CDH8: variants seen among roughly 807,000 people sequenced by gnomAD.
The protein encoded by CDH8 is cadherin-8.
A neutral mutation model predicts 68.1 loss-of-function variants in CDH8; 17 were observed. The ratio of observed to expected loss-of-function variants is 0.25; its 90% confidence interval spans 0.17 to 0.37. The LOEUF is 0.37. Among genes scored for constraint, CDH8 ranks in the 10% least tolerant of loss-of-function variants. The probability of loss-of-function intolerance (pLI) is 1.00; values close to 1 mark genes in which losing one functional copy is unlikely to be tolerated. For synonymous variants in CDH8, 372 were observed against 365.1 expected (o/e 1.02, Z -0.21); for missense variants, 763 against 999.3 (o/e 0.76, Z 3.19).
chr16:61,929,202 C>T (rs1244574323), intron 2 of CDH8, among the ~76,000 whole-genome samples: 2 of 152,124 alleles, frequency 1.3e-5, no homozygotes, highest in African/African-American at 2.4e-5. Flanking sequence ...AGCCACAGCG[C>T]CTGGCCTGTT....
Position 61,727,225 on chromosome 16 carries a change from G to A in CDH8, c.1415-10C>T. ...ATCTGACTGTGGTTCCCTATGGGAA[G>A]GAAAAAATAACATCAGCATTGAGGG... On this transcript the variant is annotated splice_polypyrimidine_tract_variant and intron_variant, in intron 8 of 11. Coordinates refer to ENST00000577390, the MANE Select transcript of CDH8 (RefSeq NM_001796.5). 14 of 1,591,494 alleles carry A rather than the reference G, an allele frequency of 8.8e-6. No homozygotes were observed. Among genetic ancestry groups the A allele is most frequent in the Non-Finnish European group, 1.0e-5 (12 of 1,167,338 alleles).
chr16:61,814,704 C>G (rs913026868), intron 7 of CDH8, among the ~76,000 whole-genome samples: 3 of 152,136 alleles, frequency 2.0e-5, no homozygotes, highest in Admixed American at 2.0e-4. Flanking sequence ...CCCAATAATT[C>G]CCTGAATATC....
chr16:61,694,327 C>G (rs1964286574), intron 10 of CDH8, among the ~76,000 whole-genome samples: 1 of 152,140 alleles, frequency 6.6e-6, no homozygotes, highest in African/African-American at 2.4e-5. Context: ...CTATTATGAG[C>G]AATATTACCA....
chr16:61,940,307 G>T (rs370522507), intron 2 of CDH8: 1 of 151,872 alleles, frequency 6.6e-6, no homozygotes, highest in East Asian at 1.9e-4. Context: ...TAACACGACT[G>T]GCTAGAATTG....
At chr16:61,953,979 A>G (rs971815848) in intron 2 of CDH8, among the ~76,000 whole-genome samples, 5 of 149,550 alleles carry the variant, frequency 3.3e-5, no homozygotes, top group Admixed American at 2.7e-4. Context: ...TCCTTCAAAT[A>G]TCAAAGGACT....
intron 2 of CDH8, among the ~76,000 whole-genome samples, chr16:61,970,647 C>A (rs1186542671): frequency 2.0e-5 from 3 of 152,250 alleles, no homozygotes; most frequent in African/African-American, 7.2e-5. Context: ...TTCCCCACCC[C>A]AAACAAGCAA....
Position 61,647,253 on chromosome 16 carries a change from A to C in CDH8, c.*6355T>G, listed in dbSNP as rs1963224791. The C allele has an allele frequency of 6.6e-6, 1 of 151,884 alleles. No homozygotes were observed. The highest frequency in any genetic ancestry group is 1.5e-5 in the Non-Finnish European group (1 of 67,942). 9.4% of individuals were successfully genotyped at this position (151,884 alleles called of 1,614,324 possible). ...TTTATAGAAAAGAATTTTTATGTTTAAAGCTCTTTCTTAAAGTTTATTTGC... is the reference window on the plus strand; with the variant it reads ...TTTATAGAAAAGAATTTTTATGTTTCAAGCTCTTTCTTAAAGTTTATTTGC... On this transcript the variant is annotated 3_prime_UTR_variant, in exon 12 of 12. Coordinates refer to ENST00000577390, the MANE Select transcript of CDH8 (RefSeq NM_001796.5).
intron 2 of CDH8, among the ~76,000 whole-genome samples, chr16:62,015,109 A>G (rs956984426): frequency 1.7e-4 from 26 of 152,284 alleles, no homozygotes; most frequent in African/African-American, 6.3e-4. Context: ...GAGCACTGAC[A>G]TGACACTAGA....
At chr16:61,987,995 T>C (rs1386214921) in intron 2 of CDH8, among the ~76,000 whole-genome samples, 1 of 152,190 alleles carries the variant, frequency 6.6e-6, no homozygotes, top group Middle Eastern at 3.2e-3. Context: ...TCTCTGACTT[T>C]ATAGCATTAG....
intron 4 of CDH8, among the ~76,000 whole-genome samples, chr16:61,847,833 A>G (rs1369854811): frequency 3.3e-5 from 5 of 151,636 alleles, no homozygotes; most frequent in African/African-American, 1.2e-4. Context: ...ATTACTGTCT[A>G]TATCTATCAA....
rs573489242 is a variant in CDH8 at position 61,891,249 on chromosome 16, A to G, written c.547+9930T>C. Among the ~76,000 whole-genome samples the G allele has an allele frequency of 5.3e-5, 8 of 152,262 alleles. No individual in the cohort carries two copies. The East Asian group carries it at 1.5e-3, about 29-fold the overall frequency. ...ATAAGTTAATTCCTTAATAAAATGT[A>G]ATATTATAATTTAGGGAGTACAAAT... On this transcript the variant is annotated intron_variant, in intron 3 of 11. Transcript: ENST00000577390.
intron 2 of CDH8, among the ~76,000 whole-genome samples, chr16:61,911,111 G>A (rs1964154000): frequency 6.6e-6 from 1 of 151,958 alleles, no homozygotes; most frequent in African/African-American, 2.4e-5. Flanking sequence ...AGTAATAGTG[G>A]GTCAATTACT....
intron 4 of CDH8, among the ~76,000 whole-genome samples, chr16:61,827,522 T>TAAAAC (rs1378815461): frequency 6.6e-6 from 1 of 151,906 alleles, no homozygotes; most frequent in Non-Finnish European, 1.5e-5. Flanking sequence ...AGTGAAAATG[T>TAAAAC]AAAACAAAAC....
intron 7 of CDH8, among the ~76,000 whole-genome samples, chr16:61,794,284 T>A (rs1961448577): frequency 6.6e-6 from 1 of 151,844 alleles, no homozygotes. Flanking sequence ...CATAATCTCC[T>A]CACAAAAAAC....
At chr16:61,709,400 G>T (rs1252107812) in intron 10 of CDH8, among the ~76,000 whole-genome samples, 1 of 152,114 alleles carries the variant, frequency 6.6e-6, no homozygotes, top group Non-Finnish European at 1.5e-5. Flanking sequence ...TGAAGATTCA[G>T]CTGGAGAAAA....
In CDH8 at chr16:61,653,086, T is replaced by C. The variant is rs1963360736; in HGVS notation, c.*522A>G. The C allele has an allele frequency of 7.9e-7, 1 of 1,268,652 alleles. No homozygotes were observed. The allele number at this position is 1,268,652 out of a possible 1,614,324, so 78.6% of individuals were successfully genotyped here. A position where few individuals can be genotyped will look rare whatever the true frequency, so the allele number is the denominator to read the frequency against. ...TGTGTGGTCACCGTACTGTATAATC[T>C]AGGAGGCCTCTCAAAACTCCAAAAA... On this transcript the variant is annotated 3_prime_UTR_variant, in exon 12 of 12. Transcript: ENST00000577390.
At chr16:61,946,717 A>G (rs1032353024) in intron 2 of CDH8, among the ~76,000 whole-genome samples, 3 of 152,150 alleles carry the variant, frequency 2.0e-5, no homozygotes, top group Admixed American at 6.5e-5. Context: ...TTGATCCTGA[A>G]AACAGATGCA....
At chr16:61,725,520 T>G (rs1220659112) in intron 9 of CDH8, 1 of 150,950 alleles carries the variant, frequency 6.6e-6, no homozygotes, top group Non-Finnish European at 1.5e-5. Flanking sequence ...TACCAGTCTG[T>G]GATTTGGCTA....
At chr16:62,017,201 T>G (rs1261510428) in intron 2 of CDH8, among the ~76,000 whole-genome samples, 2 of 152,110 alleles carry the variant, frequency 1.3e-5, no homozygotes, top group African/African-American at 4.8e-5. Flanking sequence ...ACCAAAGGAC[T>G]CAAAAATCCT....
Sources: allele counts gnomAD v4.1 joint callset (sites outside exome capture counted in the v4.1 genomes callset), GRCh38; gene constraint gnomAD v4.1.1; transcripts MANE v1.5; gene names NCBI Gene and HGNC (gene_info 2026-07-23, HGNC 2026-07-21).